PTPRK: variants seen among roughly 807,000 people sequenced by gnomAD.
PTPRK encodes protein tyrosine phosphatase receptor type K.
Under a neutral mutation model 178.0 loss-of-function variants are expected in PTPRK, and 75 were observed. That is an observed-to-expected ratio of 0.42 (90% CI 0.35 to 0.51). The LOEUF is 0.51. PTPRK is among the 20% of genes least tolerant of loss of function. PTPRK has a pLI of 0.02. For synonymous variants in PTPRK, 637 were observed against 620.6 expected, an observed-to-expected ratio of 1.03 and a Z score of -0.39; for missense variants, 1,441 against 1,797.8, an observed-to-expected ratio of 0.80 and a Z score of 3.59.
At chr6:128,397,762 T>C in intron 1 of PTPRK, 74 bp from the exon 2 acceptor site, 2 of 1,428,256 alleles carry the variant, frequency 1.4e-6, no homozygotes, top group South Asian at 1.2e-5. Context: ...GAGAAGGAAA[T>C]GTTATATTGA....
At chr6:128,330,716 G>A (rs1021553449) in intron 2 of PTPRK, among the ~76,000 whole-genome samples, 4 of 152,050 alleles carry the variant, frequency 2.6e-5, no homozygotes, top group East Asian at 1.9e-4. Context: ...ATTGCATTGA[G>A]AATAAAATCC....
intron 6 of PTPRK, among the ~76,000 whole-genome samples, chr6:128,203,638 GCA>G (rs2128259747): frequency 6.6e-6 from 1 of 152,194 alleles, no homozygotes; most frequent in African/African-American, 2.4e-5. Flanking sequence ...CAAGAGGCAA[GCA>G]CAGAGCCAAA....
intron 7 of PTPRK, among the ~76,000 whole-genome samples, chr6:128,126,769 G>T (rs989177299): frequency 6.6e-6 from 1 of 152,172 alleles, no homozygotes; most frequent in Non-Finnish European, 1.5e-5. Flanking sequence ...GGTTATAGGG[G>T]TGACCCATGG....
chr6:128,320,754 T>C (rs1269709562), intron 3 of PTPRK, among the ~76,000 whole-genome samples: 1 of 152,116 alleles, frequency 6.6e-6, no homozygotes, highest in Non-Finnish European at 1.5e-5. Flanking sequence ...TTGAGCCCAC[T>C]GATCTTGCAA....
chr6:128,474,353 A>C, intron 1 of PTPRK, among the ~76,000 whole-genome samples: 1 of 152,062 alleles, frequency 6.6e-6, no homozygotes, highest in East Asian at 1.9e-4. Context: ...AAAAGTTTGA[A>C]CTGTGTCCTA....
At chr6:128,442,747 C>G (rs952464047) in intron 1 of PTPRK, among the ~76,000 whole-genome samples, 3 of 152,160 alleles carry the variant, frequency 2.0e-5, no homozygotes, top group Non-Finnish European at 4.4e-5. Context: ...TCTACTATAT[C>G]CTGAGCAGAA....
intron 13 of PTPRK, among the ~76,000 whole-genome samples, chr6:128,056,240 A>G (rs920320448): frequency 6.6e-6 from 1 of 151,956 alleles, no homozygotes; most frequent in East Asian, 1.9e-4. Flanking sequence ...GAAGTAGTCA[A>G]TGAGAAGGGC....
chr6:128,286,267 T>C (rs1391626562), intron 3 of PTPRK, among the ~76,000 whole-genome samples: 1 of 152,194 alleles, frequency 6.6e-6, no homozygotes, highest in Non-Finnish European at 1.5e-5. Flanking sequence ...TGTGCGTTTA[T>C]AGTTTTCATC....
rs555541018 is a variant in PTPRK, at chr6:128,428,050, G to A, written c.101-30362C>T. Among the ~76,000 whole-genome samples, 31 of 152,088 alleles carry A rather than the reference G, an allele frequency of 2.0e-4. No individual in the cohort carries two copies. The South Asian group carries it at 4.8e-3, about 23-fold the overall frequency. On this transcript the variant is annotated intron_variant, in intron 1 of 29. Coordinates refer to ENST00000368226, the MANE Select transcript of PTPRK (RefSeq NM_002844.4). Reference sequence around the variant, plus strand: ...GGAGATTGCAGTGAGCCGAGATCACGCCACTGCACTCCAGCCTGGTGACAG... The same window carrying A: ...GGAGATTGCAGTGAGCCGAGATCACACCACTGCACTCCAGCCTGGTGACAG...
chr6:128,318,153 A>T (rs1489547927), intron 3 of PTPRK, among the ~76,000 whole-genome samples: 1 of 152,136 alleles, frequency 6.6e-6, no homozygotes, highest in Non-Finnish European at 1.5e-5. Context: ...CAGAGGAGGG[A>T]CATCCCCTCT....
At chr6:128,507,249 A>C (rs1283924961) in intron 1 of PTPRK, among the ~76,000 whole-genome samples, 3 of 152,146 alleles carry the variant, frequency 2.0e-5, no homozygotes, top group Non-Finnish European at 1.5e-5. Context: ...CTAACAAAAA[A>C]CAGTTTTTTA....
At chr6:128,074,959 G>A (rs1030140172) in intron 11 of PTPRK, among the ~76,000 whole-genome samples, 3 of 151,682 alleles carry the variant, frequency 2.0e-5, no homozygotes, top group African/African-American at 7.3e-5. Flanking sequence ...TTTTGATTTG[G>A]GGTAGCAATA....
At chr6:128,133,731 TC>T (rs369533208) in intron 7 of PTPRK, among the ~76,000 whole-genome samples, 3,240 of 151,066 alleles carry the variant, frequency 0.021, 88 homozygotes, top group African/African-American at 0.047. Context: ...TTTTTTTTTT[TC>T]CCCTGAGACA....
At chr6:128,379,542 G>C (rs148021377) in intron 2 of PTPRK, among the ~76,000 whole-genome samples, 279 of 152,306 alleles carry the variant, frequency 1.8e-3, no homozygotes, top group Middle Eastern at 0.014. Context: ...CTTTAAGAAA[G>C]AGAGGACAAT....
At chr6:128,426,142 TTCTGATTTCTTCCCATAATTATTCC>T (rs1322116776) in intron 1 of PTPRK, among the ~76,000 whole-genome samples, 1 of 152,204 alleles carries the variant, frequency 6.6e-6, no homozygotes, top group African/African-American at 2.4e-5. Context: ...ATATTTATTC[TTCTGATTTCTTCCCATAATTATTCC>T]TCTGATTTCT....
intron 1 of PTPRK, among the ~76,000 whole-genome samples, chr6:128,472,030 G>A (rs193050003): frequency 6.6e-6 from 1 of 152,012 alleles, no homozygotes; most frequent in Non-Finnish European, 1.5e-5. Context: ...GAAAGAAGAG[G>A]GTGGAGAATG....
chr6:128,125,602 CTTTTTTTTTT>C lies in PTPRK; in HGVS notation c.1163-35620_1163-35611del, dbSNP rs869038931. ...CTAATACACTTGCCTTTGGGCTTTTCTTTTTTTTTTTTTTTTTTTTTTTTTTCGATGAAGT... is the reference window on the plus strand; with the variant it reads ...CTAATACACTTGCCTTTGGGCTTTTCTTTTTTTTTTTTTTTTCGATGAAGT... On this transcript the variant is annotated intron_variant, in intron 7 of 29. Coordinates refer to ENST00000368226, the MANE Select transcript of PTPRK (RefSeq NM_002844.4). 3.5e-3 allele frequency among the ~76,000 whole-genome samples: 239 copies of C among 68,380 alleles called. 2 individuals are homozygous for C. The highest frequency in any genetic ancestry group is 0.012 in the African/African-American group (196 of 16,446). The allele number at this position is 68,380 out of a possible 152,430, so 44.9% of individuals were successfully genotyped here. A position where few individuals can be genotyped will look rare whatever the true frequency, so the allele number is the denominator to read the frequency against.
At chr6:128,514,139 G>C (rs1857578936) in intron 1 of PTPRK, among the ~76,000 whole-genome samples, 1 of 152,136 alleles carries the variant, frequency 6.6e-6, no homozygotes, top group South Asian at 2.1e-4. Flanking sequence ...TACCAATCTG[G>C]AGAAAGATTT....
chr6:128,510,288 C>A (rs1234863356), intron 1 of PTPRK, among the ~76,000 whole-genome samples: 2 of 152,184 alleles, frequency 1.3e-5, no homozygotes, highest in African/African-American at 2.4e-5. Context: ...AATCCACTAG[C>A]ACTAACATGT....
Sources: gnomAD v4.1 joint callset for allele counts (sites outside exome capture counted in the v4.1 genomes callset) on GRCh38, gnomAD v4.1.1 for gene constraint, MANE v1.5 for transcripts, NCBI Gene and HGNC (gene_info 2026-07-23, HGNC 2026-07-21) for gene names.